PLCB4: variants seen among roughly 807,000 people sequenced by gnomAD.
The protein encoded by PLCB4 is 1-phosphatidylinositol 4,5-bisphosphate phosphodiesterase beta-4.
PLCB4 carries 77 observed loss-of-function variants against 178.8 expected under a neutral mutation model. The ratio of observed to expected loss-of-function variants is 0.43; its 90% CI spans 0.36 to 0.52. PLCB4 has a LOEUF of 0.52. PLCB4 is among the 20% of genes least tolerant of loss of function. The pLI is 0.00. For missense variants in PLCB4, 1,024 were observed against 1,453.4 expected (o/e 0.70, Z 4.80); for synonymous variants, 496 against 490.8 (o/e 1.01, Z -0.14).
At chr20:9,341,240 T>C (rs1202927894) in intron 7 of PLCB4, among the ~76,000 whole-genome samples, 2 of 152,222 alleles carry the variant, frequency 1.3e-5, no homozygotes, top group East Asian at 1.9e-4. Context: ...GAGTAGATTA[T>C]GGATGTGTAC....
At chr20:9,072,826 CAG>C (rs1198532866) in intron 1 of PLCB4, among the ~76,000 whole-genome samples, 1 of 152,192 alleles carries the variant, frequency 6.6e-6, no homozygotes. Context: ...GAATGACCAG[CAG>C]AGTGTTTATT....
At chr20:9,310,165 C>T (rs983673042) in intron 4 of PLCB4, among the ~76,000 whole-genome samples, 1 of 152,082 alleles carries the variant, frequency 6.6e-6, no homozygotes, top group Non-Finnish European at 1.5e-5. Flanking sequence ...GCCATGAAAA[C>T]ATTTAAGGCA....
intron 2 of PLCB4, among the ~76,000 whole-genome samples, chr20:9,192,467 G>A (rs1342271019): frequency 2.0e-5 from 3 of 151,970 alleles, no homozygotes; most frequent in Non-Finnish European, 4.4e-5. Context: ...GACTCAGAAA[G>A]GTCCTGCCTG....
chr20:9,237,322 A>C (rs1238943833), intron 3 of PLCB4, among the ~76,000 whole-genome samples: 1 of 151,696 alleles, frequency 6.6e-6, no homozygotes, highest in African/African-American at 2.4e-5. Flanking sequence ...CATATATCCT[A>C]ATCTTTATTA....
intron 24 of PLCB4, 92 bp from the exon 25 acceptor site, chr20:9,410,945 G>A: frequency 1.2e-6 from 1 of 849,214 alleles, no homozygotes. Flanking sequence ...GTGGGCCTAG[G>A]AGCAATCTGA....
At chr20:9,408,844 C>G (rs753001056) in intron 23 of PLCB4, 127 bp downstream of exon 23, 4 of 695,306 alleles carry the variant, frequency 5.8e-6, no homozygotes, top group Middle Eastern at 2.4e-4. Context: ...TGGGAAAGAC[C>G]ATGGCAGCTG....
intron 33 of PLCB4, among the ~76,000 whole-genome samples, chr20:9,457,189 G>T (rs1195536434): frequency 6.6e-6 from 1 of 152,158 alleles, no homozygotes; most frequent in East Asian, 1.9e-4. Flanking sequence ...ATAATTGTTA[G>T]GTTTGAAGTG....
At chr20:9,341,133 G>C (rs1466810656) in intron 7 of PLCB4, among the ~76,000 whole-genome samples, 2 of 152,070 alleles carry the variant, frequency 1.3e-5, no homozygotes, top group Non-Finnish European at 2.9e-5. Flanking sequence ...TGGGGAGATG[G>C]CTCAAATCAG....
In PLCB4 at chr20:9,086,403, T is replaced by C. The variant is rs2146542164; in HGVS notation, c.-134-9884T>C. Among the ~76,000 whole-genome samples, 2 of 152,110 alleles carry C rather than the reference T, an allele frequency of 1.3e-5. 1 individual carries two copies. Among genetic ancestry groups the C allele is most frequent in the Non-Finnish European group, 2.9e-5 (2 of 67,982 alleles). Reference sequence around the variant, plus strand: ...AAAATGGTTGTGAGCGTGTATGATGTGCATTGTGGGGTCCTGGCTTTGCTA... The same window carrying C: ...AAAATGGTTGTGAGCGTGTATGATGCGCATTGTGGGGTCCTGGCTTTGCTA... On this transcript the variant is annotated intron_variant, in intron 1 of 39. Transcript: ENST00000378473.
intron 1 of PLCB4, among the ~76,000 whole-genome samples, chr20:9,072,731 C>T (rs1255331686): frequency 6.6e-6 from 1 of 152,054 alleles, no homozygotes; most frequent in East Asian, 1.9e-4. Context: ...ATGCTGAAGG[C>T]GTAACCCAAG....
At chr20:9,072,861 C>A (rs2089640944) in intron 1 of PLCB4, among the ~76,000 whole-genome samples, 1 of 152,216 alleles carries the variant, frequency 6.6e-6, no homozygotes, top group East Asian at 1.9e-4. Context: ...ACTTCGTCTA[C>A]TTTTCCTTTC....
chr20:9,303,907 T>C (rs2094733866), intron 3 of PLCB4, among the ~76,000 whole-genome samples: 1 of 152,050 alleles, frequency 6.6e-6, no homozygotes, highest in African/African-American at 2.4e-5. Context: ...AATATTCACA[T>C]TCTCATTCTT....
chr20:9,313,002 C>T (rs1048414165), intron 4 of PLCB4, among the ~76,000 whole-genome samples: 1 of 152,148 alleles, frequency 6.6e-6, no homozygotes, highest in Admixed American at 6.6e-5. Context: ...ACCAAAAATA[C>T]ATTTTTCTAT....
At chr20:9,124,686 T>G (rs2092064330) in intron 2 of PLCB4, among the ~76,000 whole-genome samples, 1 of 152,156 alleles carries the variant, frequency 6.6e-6, no homozygotes, top group Non-Finnish European at 1.5e-5. Context: ...TTAGCTGATG[T>G]GAGGTTTCAA....
intron 7 of PLCB4, among the ~76,000 whole-genome samples, chr20:9,348,013 C>G (rs937236652): frequency 2.0e-5 from 3 of 152,136 alleles, no homozygotes; most frequent in Non-Finnish European, 4.4e-5. Flanking sequence ...AGGAAGCACT[C>G]TCTTTGCAAA....
At chr20:9,215,252 G>A (rs1318009458) in intron 2 of PLCB4, among the ~76,000 whole-genome samples, 1 of 152,124 alleles carries the variant, frequency 6.6e-6, no homozygotes, top group Non-Finnish European at 1.5e-5. Context: ...CTGTCTTCAT[G>A]GGAGTCGTAT....
intron 4 of PLCB4, among the ~76,000 whole-genome samples, chr20:9,311,591 A>C (rs141615482): frequency 6.6e-6 from 1 of 151,852 alleles, no homozygotes; most frequent in African/African-American, 2.4e-5. Flanking sequence ...TTTTCCAGAT[A>C]CTTTTTTCTT....
intron 1 of PLCB4, among the ~76,000 whole-genome samples, chr20:9,073,350 G>A (rs1247069115): frequency 6.6e-6 from 1 of 152,124 alleles, no homozygotes; most frequent in African/African-American, 2.4e-5. Flanking sequence ...TTAGGGCCAA[G>A]GATGCAGTTT....
chr20:9,406,774 C>T (rs1430788700), intron 21 of PLCB4, among the ~76,000 whole-genome samples: 2 of 152,130 alleles, frequency 1.3e-5, no homozygotes, highest in Non-Finnish European at 2.9e-5. Context: ...GGATTACAGG[C>T]GTGAGCCACT....
Sources: allele counts gnomAD v4.1 joint callset (sites outside exome capture counted in the v4.1 genomes callset), GRCh38; gene constraint gnomAD v4.1.1; transcripts MANE v1.5; gene names NCBI Gene and HGNC (gene_info 2026-07-23, HGNC 2026-07-21).